Variants in NCOR2 observed in about 807,000 individuals in gnomAD.
NCOR2 encodes CTG repeat protein 26.
In NCOR2, 81 loss-of-function variants were observed where a neutral mutation model predicts 262.9. The ratio of observed to expected loss-of-function variants is 0.31; its 90% CI spans 0.26 to 0.37. The LOEUF is 0.37. Among genes scored for constraint, NCOR2 ranks in the 10% least tolerant of loss-of-function variants. The pLI is 1.00. For synonymous variants in NCOR2, 1,659 were observed against 1,559.3 expected (o/e 1.06, Z -1.51); for missense variants, 3,385 against 3,621.4 (o/e 0.93, Z 1.68).
chr12:124,400,608 C>A, exon 15 of NCOR2: 1 of 1,614,172 alleles, frequency 6.2e-7, no homozygotes, highest in African/African-American at 1.3e-5. Context: ...GGCAGTTTTG[C>A]GGCCTTTGGA....
At chr12:124,422,607 C>A (rs1406460736) in intron 11 of NCOR2, 52 bp from the exon 14 acceptor site, 1 of 1,603,410 alleles carries the variant, frequency 6.2e-7, no homozygotes, top group African/African-American at 1.3e-5. Flanking sequence ...GGCTTTCCTG[C>A]GGGGCAGCCG....
chr12:124,557,961 G>A (rs948122157), intron 1 of NCOR2, among the ~76,000 whole-genome samples: 1 of 152,024 alleles, frequency 6.6e-6, no homozygotes, highest in African/African-American at 2.4e-5. Flanking sequence ...GCCTGGCCCA[G>A]CCTAGGGAAA....
At chr12:124,414,111 C>A (rs558974566) in intron 13 of NCOR2, among the ~76,000 whole-genome samples, 4 of 152,234 alleles carry the variant, frequency 2.6e-5, no homozygotes, top group Admixed American at 1.3e-4. Flanking sequence ...GCCTGTCCTA[C>A]CTGGCGGATC....
chr12:124,329,159 T>C (rs746449725), intron 44 of NCOR2: 111 of 469,776 alleles, frequency 2.4e-4, no homozygotes, highest in Non-Finnish European at 2.0e-4. Context: ...GGACTAAAAC[T>C]GCATAAAAAG....
At chr12:124,433,865 C>CAA (rs1565940260) in intron 8 of NCOR2, among the ~76,000 whole-genome samples, 20 of 58,254 alleles carry the variant, frequency 3.4e-4, no homozygotes, top group African/African-American at 1.5e-3. Context: ...CACACACACA[C>CAA]ACACACACAC....
rs2050306387 is a variant in NCOR2 at position 124,523,624 on chromosome 12, T to C, written c.-118+11941A>G. ...TCACACATAACACTAACACTAACCA[T>C]AGCTGATGAACTAAAAAAAAAAAAA... On this transcript the variant is annotated intron_variant, in intron 1 of 46. Transcript: ENST00000404621. This position sits in a 1 kb window ranked among gnomAD's most constrained non-coding sequence, Gnocchi z 4.0. Among the ~76,000 whole-genome samples the C allele has an allele frequency of 2.2e-5, 3 of 135,924 alleles. No homozygotes were observed. Among genetic ancestry groups the C allele is most frequent in the South Asian group, 4.9e-4 (2 of 4,080 alleles). The allele number at this position is 135,924 out of a possible 152,430, so 89.2% of individuals were successfully genotyped here.
chr12:124,435,710 A>C (rs961184259), intron 8 of NCOR2, among the ~76,000 whole-genome samples: 4 of 152,010 alleles, frequency 2.6e-5, no homozygotes, highest in African/African-American at 7.3e-5. Context: ...CTCCCCAGGC[A>C]CTGCTCAGCC....
At chr12:124,477,244 T>C (rs2047151589) in intron 3 of NCOR2, among the ~76,000 whole-genome samples, 1 of 152,206 alleles carries the variant, frequency 6.6e-6, no homozygotes, top group Admixed American at 6.5e-5. Context: ...GTTCTCATGA[T>C]GGTGAGTGAG....
chr12:124,409,815 C>T (rs1451721178), intron 13 of NCOR2, among the ~76,000 whole-genome samples: 1 of 152,040 alleles, frequency 6.6e-6, no homozygotes, highest in African/African-American at 2.4e-5. Flanking sequence ...GAAGCTCGGA[C>T]CACAGCAGCA....
intron 1 of NCOR2, among the ~76,000 whole-genome samples, chr12:124,507,509 G>C (rs985093089): frequency 2.1e-4 from 32 of 152,036 alleles, no homozygotes; most frequent in African/African-American, 7.0e-4. Flanking sequence ...CAGGCCCTCA[G>C]AGCCGAGTGC....
intron 37 of NCOR2, among the ~76,000 whole-genome samples, chr12:124,339,458 A>T: frequency 7.0e-6 from 1 of 143,766 alleles, no homozygotes; most frequent in African/African-American, 2.6e-5. Flanking sequence ...CCATCTACTT[A>T]CCTACCTAAC....
At chr12:124,326,458 C>A in intron 45 of NCOR2, 88 bp from the exon 48 acceptor site, 1 of 1,279,414 alleles carries the variant, frequency 7.8e-7, no homozygotes, top group Non-Finnish European at 1.0e-6. Context: ...AGGGTGAGGT[C>A]CTGCCATGGG....
chr12:124,457,980 G>C lies in NCOR2; in HGVS notation c.706-818C>G, dbSNP rs996414670. ...GTGGCTTCATGGGGGCTGTGGCGGA[G>C]GGCAGGGGCAGAATTTGCGTGGGTT... On this transcript the variant is annotated intron_variant, in intron 5 of 46. Coordinates refer to ENST00000405201, the Ensembl canonical transcript of NCOR2. This position sits in a 1 kb window ranked among gnomAD's most constrained non-coding sequence, Gnocchi z 4.0. Among the ~76,000 whole-genome samples the C allele has an allele frequency of 6.6e-6, 1 of 152,196 alleles. No individual in the cohort carries two copies. Among genetic ancestry groups the C allele is most frequent in the Non-Finnish European group, 1.5e-5 (1 of 68,028 alleles).
rs754478891 is a variant in NCOR2, at chr12:124,336,716, G to A, written c.6115+37C>T. 5 of 1,605,480 alleles carry A rather than the reference G, an allele frequency of 3.1e-6. No homozygotes were observed. The highest frequency in any genetic ancestry group is 1.1e-5 in the South Asian group (1 of 89,894). On this transcript the variant is annotated intron_variant, in intron 38 of 46. Transcript: ENST00000405201. ...GTGAGCAATTTGACGCATGATAATC[G>A]CGTCTATGAAGGTGGCCGCTGTCAG...
intron 8 of NCOR2, among the ~76,000 whole-genome samples, chr12:124,437,044 C>A (rs539982076): frequency 1.4e-4 from 22 of 152,060 alleles, no homozygotes; most frequent in Non-Finnish European, 3.1e-4. Context: ...AGAGACCCTG[C>A]CACTGCACTC....
At chr12:124,376,221 C>T (rs1301968756) in intron 18 of NCOR2, among the ~76,000 whole-genome samples, 1 of 152,250 alleles carries the variant, frequency 6.6e-6, no homozygotes, top group Non-Finnish European at 1.5e-5. Flanking sequence ...CAGCTCCAGC[C>T]ACCTCAGCCC....
rs183292323 is a variant in NCOR2 at position 124,399,363 on chromosome 12, G to A, written c.1813+1138C>T. On this transcript the variant is annotated intron_variant, in intron 15 of 46. Coordinates refer to ENST00000405201, the Ensembl canonical transcript of NCOR2. Reference sequence around the variant, plus strand: ...CCTAGGAGTGTGTTTTCCACCCTGCGGCTGAGCCCCCAGCATCAGCCTTGG... The same window carrying A: ...CCTAGGAGTGTGTTTTCCACCCTGCAGCTGAGCCCCCAGCATCAGCCTTGG... Among the ~76,000 whole-genome samples, 503 of 152,248 alleles carry A rather than the reference G, an allele frequency of 3.3e-3. 4 individuals are homozygous for A. Among genetic ancestry groups the A allele is most frequent in the African/African-American group, 0.011 (468 of 41,540 alleles).
chr12:124,511,514 G>T (rs1347385220), intron 1 of NCOR2, among the ~76,000 whole-genome samples: 3 of 152,224 alleles, frequency 2.0e-5, no homozygotes, highest in Non-Finnish European at 4.4e-5. Flanking sequence ...CGTGGGGAAA[G>T]GGCGTCCGGG....
chr12:124,551,268 G>A (rs2049588), intron 1 of NCOR2, among the ~76,000 whole-genome samples: 8,108 of 152,284 alleles, frequency 0.053, 283 homozygotes, highest in Middle Eastern at 0.085. Flanking sequence ...CGACTGCACT[G>A]AATTATATAC....
Sources: allele counts gnomAD v4.1 joint callset (sites outside exome capture counted in the v4.1 genomes callset), GRCh38; gene constraint gnomAD v4.1.1; non-coding constraint Gnocchi (gnomAD v3.1); transcripts MANE v1.5; gene names NCBI Gene and HGNC (gene_info 2026-07-23, HGNC 2026-07-21).